The following SPG11 variants were observed in gnomAD, a reference collection of about 807,000 sequenced individuals.
The protein encoded by SPG11 is spatacsin.
A neutral mutation model predicts 274.0 loss-of-function variants in SPG11; 222 were observed. The ratio of observed to expected loss-of-function variants is 0.81; its 90% CI spans 0.73 to 0.91. The LOEUF is 0.91. Ranked by LOEUF, SPG11 falls within the 40% of genes least tolerant of loss-of-function variation. SPG11 has a pLI of 0.00. For missense variants in SPG11, 3,114 were observed against 2,872.7 expected (o/e 1.08, Z -1.92); for synonymous variants, 1,144 against 1,039.7 (o/e 1.10, Z -1.93).
intron 4 of SPG11, among the ~76,000 whole-genome samples, chr15:44,653,363 G>A (rs2084842065): frequency 6.6e-6 from 1 of 152,096 alleles, no homozygotes; most frequent in South Asian, 2.1e-4. Flanking sequence ...ACTGTCCCAG[G>A]ATGATGATGA....
chr15:44,616,758 T>C (rs957597489), intron 15 of SPG11, among the ~76,000 whole-genome samples: 1 of 152,204 alleles, frequency 6.6e-6, no homozygotes, highest in Non-Finnish European at 1.5e-5. Context: ...GCCATACTTA[T>C]GATAAAAACT....
At chr15:44,604,931 CAAAAAAAAA>C (rs908048525) in intron 20 of SPG11, among the ~76,000 whole-genome samples, 7 of 22,496 alleles carry the variant, frequency 3.1e-4, no homozygotes, top group East Asian at 1.2e-3. Flanking sequence ...ACTCCATCTC[CAAAAAAAAA>C]AAAAAAAAAA....
At chr15:44,638,260 A>C (rs1432502771) in intron 7 of SPG11, among the ~76,000 whole-genome samples, 1 of 152,090 alleles carries the variant, frequency 6.6e-6, no homozygotes, top group Admixed American at 6.6e-5. Flanking sequence ...TTGGGAGTTC[A>C]AGAGCAGCCT....
rs1409928563 is a variant in SPG11 at position 44,660,336 on chromosome 15, G to C, written c.442+96C>G. 6 of 1,095,934 alleles carry C rather than the reference G, an allele frequency of 5.5e-6. No individual in the cohort carries two copies. The Admixed American group carries it at 1.0e-4, about 19-fold the overall frequency. The allele number at this position is 1,095,934 out of a possible 1,614,324, so 67.9% of individuals were successfully genotyped here. ...AGTGACTACTATATCAGACAGCGTAGACCTGATTTCACCTCTATGACTTTT... is the reference window on the plus strand; with the variant it reads ...AGTGACTACTATATCAGACAGCGTACACCTGATTTCACCTCTATGACTTTT... On this transcript the variant is annotated intron_variant, in intron 2 of 39. Transcript: ENST00000261866.
At chr15:44,564,141 A>G (rs973733855) in intron 39 of SPG11, among the ~76,000 whole-genome samples, 1 of 151,936 alleles carries the variant, frequency 6.6e-6, no homozygotes, top group African/African-American at 2.4e-5. Context: ...TACAGGTGCC[A>G]GCTACCACAC....
chr15:44,657,233 T>C lies in SPG11; in HGVS notation c.731A>G (p.Asp244Gly). The C allele has an allele frequency of 6.2e-7, 1 of 1,614,212 alleles. No individual in the cohort carries two copies. ...AHVDLALHKE[D>G]MCNEQQQEPA... ...CTCCTGTTGCTGCTCATTACACATG[T>C]CTTCTTTGTGAAGTGCTAAATCCAC... Residue 244 changes from aspartate (D) to glycine (G), a missense_variant, in exon 4 of 40, where the codon GAC (aspartate) becomes GGC (glycine). By Grantham distance (94) the Asp-to-Gly change is moderately conservative. Coordinates refer to ENST00000261866, the MANE Select transcript of SPG11 (RefSeq NM_025137.4).
At chr15:44,640,853 C>T (rs1376488634) in intron 7 of SPG11, among the ~76,000 whole-genome samples, 1 of 152,152 alleles carries the variant, frequency 6.6e-6, no homozygotes, top group Non-Finnish European at 1.5e-5. Flanking sequence ...GCCTCAGCCT[C>T]CCGAGTAGCT....
At chr15:44,564,371 G>C (rs889477740) in intron 39 of SPG11, among the ~76,000 whole-genome samples, 176 bp downstream of exon 39, 1 of 152,170 alleles carries the variant, frequency 6.6e-6, no homozygotes, top group Non-Finnish European at 1.5e-5. Flanking sequence ...TGTTCTTGTT[G>C]ATCTCTTTGC....
rs767936997 is a variant in SPG11 at position 44,600,567 on chromosome 15, G to A, written c.3586C>T (p.Arg1196Cys). Residue 1196 changes from arginine (R) to cysteine (C), a missense_variant, in exon 21 of 40, where the codon CGT (arginine) becomes TGT (cysteine). Transcript: ENST00000261866. ...DLVNKYAIVE[R>C]LNFAYYLHNG... The stretch of plus-strand genomic sequence containing the variant: ...TGTAAATAATAAGCAAAATTCAGAC[G>A]TTCCACTATAGCATATTTATTAACC... 12 of 1,614,104 alleles carry A rather than the reference G, an allele frequency of 7.4e-6. No individual in the cohort carries two copies. Among genetic ancestry groups the A allele is most frequent in the Admixed American group, 6.7e-5 (4 of 60,014 alleles).
intron 28 of SPG11, 133 bp from the exon 29 acceptor site, chr15:44,585,983 GTTTTTTTTT>G (rs71111868): frequency 5.9e-6 from 2 of 337,768 alleles, no homozygotes; most frequent in Non-Finnish European, 1.1e-5. Flanking sequence ...ATAAAAAGCT[GTTTTTTTTT>G]TTTTTTTTTT....
In SPG11 at chr15:44,660,289, T is replaced by G. The variant is rs531586725; in HGVS notation, c.442+143A>C. 4 of 663,678 alleles carry G rather than the reference T, an allele frequency of 6.0e-6. No individual in the cohort carries two copies. In the African/African-American group the frequency reaches 7.2e-5, roughly 12 times the overall value. The allele number at this position is 663,678 out of a possible 1,614,324, so 41.1% of individuals were successfully genotyped here. ...TAATTCATATTAACCATATTTCAAG[T>G]GCTCAATAGCCCCATCTGCCTAGTG... On this transcript the variant is annotated intron_variant, in intron 2 of 39. Coordinates refer to ENST00000261866, the MANE Select transcript of SPG11 (RefSeq NM_025137.4).
intron 4 of SPG11, among the ~76,000 whole-genome samples, chr15:44,654,439 C>T (rs1260662333): frequency 2.0e-5 from 3 of 152,012 alleles, no homozygotes; most frequent in South Asian, 2.1e-4. Context: ...TCCCAGGAGG[C>T]GGACCTTGCA....
chr15:44,581,045 T>C (rs1281185954), intron 30 of SPG11, among the ~76,000 whole-genome samples: 2 of 151,768 alleles, frequency 1.3e-5, no homozygotes, highest in African/African-American at 4.8e-5. Context: ...ATCAAACTGC[T>C]GAAGACCAAC....
chr15:44,651,682 T>C lies in SPG11; in HGVS notation c.1265A>G (p.Glu422Gly). The C allele has an allele frequency of 6.2e-7, 1 of 1,614,252 alleles. No homozygotes were observed. Among genetic ancestry groups the C allele is most frequent in the East Asian group, 2.2e-5 (1 of 44,894 alleles). The change falls in exon 6 of 40, where the codon GAG becomes GGG. Residue 422 changes from glutamate to glycine, a missense_variant. Glu to Gly is a moderately conservative substitution (Grantham distance 98). Transcript: ENST00000261866. ...CACACATTTAAGCTCTATGGGTTCCTCTTGTTCACTGATGTGCATTATTTT... is the reference window on the plus strand; with the variant it reads ...CACACATTTAAGCTCTATGGGTTCCCCTTGTTCACTGATGTGCATTATTTT... ...SWKIMHISEQEEPIELKCVSV... is the reference protein window; with the variant it reads ...SWKIMHISEQGEPIELKCVSV...
chr15:44,654,195 C>T (rs1758503275), intron 4 of SPG11, among the ~76,000 whole-genome samples: 1 of 152,226 alleles, frequency 6.6e-6, no homozygotes, highest in Non-Finnish European at 1.5e-5. Context: ...AGTTACTACT[C>T]TATCATTTTC....
rs545203220 is a variant in SPG11, at chr15:44,623,765, C to CT, written c.2245-967dup. On this transcript the variant is annotated intron_variant, in intron 11 of 39. Transcript: ENST00000261866. ...AACAGAGTACTTTTCTTTTCTTTTTCTTTTTTTTTGAGACAGGGTCTCGCT... is the reference window on the plus strand; with the variant it reads ...AACAGAGTACTTTTCTTTTCTTTTTCTTTTTTTTTTGAGACAGGGTCTCGCT... Among the ~76,000 whole-genome samples, 10 of 151,128 alleles carry CT rather than the reference C, an allele frequency of 6.6e-5. No individual in the cohort carries two copies. In the South Asian group the frequency reaches 1.1e-3, roughly 16 times the overall value.
intron 17 of SPG11, among the ~76,000 whole-genome samples, chr15:44,611,809 CTTTT>C (rs71111871): frequency 2.5e-5 from 3 of 119,512 alleles, no homozygotes; most frequent in African/African-American, 6.3e-5. Context: ...TGGTCACTGT[CTTTT>C]TTTTTTTTTT....
intron 30 of SPG11, among the ~76,000 whole-genome samples, chr15:44,583,245 C>T (rs368679271): frequency 1.4e-4 from 21 of 152,208 alleles, no homozygotes; most frequent in African/African-American, 4.6e-4. Flanking sequence ...TTTGGGAGGC[C>T]GAGGTGGACG....
At chr15:44,638,466 A>C (rs1014583510) in intron 7 of SPG11, among the ~76,000 whole-genome samples, 1 of 150,206 alleles carries the variant, frequency 6.7e-6, no homozygotes, top group African/African-American at 2.4e-5. Context: ...ATCTCAAAAC[A>C]AACAAACAAA....
Sources: gnomAD v4.1 joint callset for allele counts (sites outside exome capture counted in the v4.1 genomes callset) on GRCh38, gnomAD v4.1.1 for gene constraint, MANE v1.5 for transcripts, NCBI Gene and HGNC (gene_info 2026-07-23, HGNC 2026-07-21) for gene names.